Variants in TTC7B observed in about 807,000 individuals in gnomAD.
The protein encoded by TTC7B is tetratricopeptide repeat domain 7B.
TTC7B carries 28 observed loss-of-function variants against 106.8 expected under a neutral mutation model. That is an observed-to-expected ratio of 0.26 (90% CI 0.19 to 0.36). The LOEUF is 0.36. TTC7B is among the 10% of genes least tolerant of loss of function. TTC7B has a pLI of 1.00. For missense variants in TTC7B, 862 were observed against 1,076.4 expected (o/e 0.80, Z 2.79); for synonymous variants, 405 against 430.6 (o/e 0.94, Z 0.74).
chr14:90,657,302 G>A lies in TTC7B; in HGVS notation c.1237-24C>T, dbSNP rs367905179. 1.3e-5 allele frequency: 21 copies of A among 1,608,980 alleles called. No individual in the cohort carries two copies. In the African/African-American group the frequency reaches 1.6e-4, roughly 12 times the overall value. ...GACTTGGCAAGAGAAGATTATTTCCGTGAAACTCAAAGTGTTTGACAGAAC... is the reference window on the plus strand; with the variant it reads ...GACTTGGCAAGAGAAGATTATTTCCATGAAACTCAAAGTGTTTGACAGAAC... On this transcript the variant is annotated intron_variant, in intron 10 of 19. Coordinates refer to ENST00000328459, the MANE Select transcript of TTC7B (RefSeq NM_001010854.2). The surrounding 1 kb of genome is among the most constrained non-coding windows in gnomAD (Gnocchi z 4.2).
chr14:90,647,058 G>A, intron 13 of TTC7B, 35 bp from the exon 14 acceptor site: 1 of 1,593,872 alleles, frequency 6.3e-7, no homozygotes, highest in South Asian at 1.1e-5. Flanking sequence ...GTACATGGGA[G>A]AGGAGGCCAT....
At chr14:90,683,409 A>C (rs1887131348) in intron 7 of TTC7B, among the ~76,000 whole-genome samples, 1 of 152,230 alleles carries the variant, frequency 6.6e-6, no homozygotes, top group African/African-American at 2.4e-5. Flanking sequence ...GAATGGCTGA[A>C]GTCCCACCCC....
At chr14:90,762,424 T>C (rs1890530404) in intron 3 of TTC7B, among the ~76,000 whole-genome samples, 1 of 152,228 alleles carries the variant, frequency 6.6e-6, no homozygotes, top group Admixed American at 6.5e-5. Flanking sequence ...ACTAACCCCC[T>C]TAACCAGTCT....
At chr14:90,810,106 A>T (rs893438352) in intron 1 of TTC7B, among the ~76,000 whole-genome samples, 1 of 152,186 alleles carries the variant, frequency 6.6e-6, no homozygotes, top group Non-Finnish European at 1.5e-5. Flanking sequence ...CATTTATGGG[A>T]TGGCAGAAAC....
At chr14:90,708,160 A>AT (rs1234973797) in intron 5 of TTC7B, among the ~76,000 whole-genome samples, 63 of 151,684 alleles carry the variant, frequency 4.2e-4, no homozygotes, top group African/African-American at 1.5e-3. Flanking sequence ...AAAAAAAAAA[A>AT]AAAAAAAAAA....
chr14:90,676,198 G>A, intron 9 of TTC7B: 1 of 243,000 alleles, frequency 4.1e-6, no homozygotes, highest in East Asian at 9.3e-5. Context: ...CCTGTTCTAT[G>A]AGGAAATTAA....
At chr14:90,622,002 T>G (rs1349198916) in intron 15 of TTC7B, among the ~76,000 whole-genome samples, 1 of 152,106 alleles carries the variant, frequency 6.6e-6, no homozygotes, top group Non-Finnish European at 1.5e-5. Flanking sequence ...ATGGAAAAAC[T>G]TGGGAAAAGT....
At chr14:90,564,373 C>T (rs1368443426) in intron 19 of TTC7B, among the ~76,000 whole-genome samples, 1 of 152,164 alleles carries the variant, frequency 6.6e-6, no homozygotes, top group Non-Finnish European at 1.5e-5. Context: ...ATCATCCAGG[C>T]TTTCTTGTTC....
chr14:90,647,156 T>A, intron 13 of TTC7B, 133 bp from the exon 14 acceptor site: 1 of 724,202 alleles, frequency 1.4e-6, no homozygotes, highest in Non-Finnish European at 2.4e-6. Context: ...ATGCTTCATT[T>A]AAACTCTTCT....
chr14:90,654,191 C>T (rs1013782633), intron 12 of TTC7B, among the ~76,000 whole-genome samples: 1 of 152,134 alleles, frequency 6.6e-6, no homozygotes, highest in African/African-American at 2.4e-5. Context: ...GGGAGGGGCA[C>T]ACGGAGGGCT....
chr14:90,585,001 A>G (rs1232957313), intron 18 of TTC7B, among the ~76,000 whole-genome samples: 3 of 152,148 alleles, frequency 2.0e-5, no homozygotes, highest in African/African-American at 7.2e-5. Flanking sequence ...CACTGGACTT[A>G]GCCTTAATTC....
intron 19 of TTC7B, among the ~76,000 whole-genome samples, chr14:90,574,992 C>T (rs1005686995): frequency 2.9e-5 from 4 of 136,764 alleles, no homozygotes; most frequent in African/African-American, 9.9e-5. Context: ...CTGACCCTGG[C>T]CTCCCTGGCC....
In TTC7B at chr14:90,790,795, T is replaced by C. The variant is rs144602355; in HGVS notation, c.122-4467A>G. 7.2e-3 allele frequency among the ~76,000 whole-genome samples: 1,092 copies of C among 151,896 alleles called. 10 individuals are homozygous for C. Among genetic ancestry groups the C allele is most frequent in the Non-Finnish European group, 0.011 (733 of 67,950 alleles). Reference sequence around the variant, plus strand: ...TGGGCTAGAGCTACTGAGTTCTCAGTGGGAAAACTCTATGGCCCAGAGTGA... The same window carrying C: ...TGGGCTAGAGCTACTGAGTTCTCAGCGGGAAAACTCTATGGCCCAGAGTGA... On this transcript the variant is annotated intron_variant, in intron 1 of 19. Coordinates refer to ENST00000328459, the MANE Select transcript of TTC7B (RefSeq NM_001010854.2).
chr14:90,595,501 CA>C (rs1443716708), intron 17 of TTC7B, among the ~76,000 whole-genome samples: 2 of 152,232 alleles, frequency 1.3e-5, no homozygotes, highest in Admixed American at 1.3e-4. Flanking sequence ...AAACTGCTGT[CA>C]AAATTTCTTA....
chr14:90,678,280 A>G (rs1450674553), intron 8 of TTC7B, among the ~76,000 whole-genome samples: 1 of 152,178 alleles, frequency 6.6e-6, no homozygotes, highest in Non-Finnish European at 1.5e-5. Context: ...AGGGGAAACT[A>G]ATTTGATTTG....
At chr14:90,618,632 C>T (rs1340457603) in intron 15 of TTC7B, among the ~76,000 whole-genome samples, 1 of 152,202 alleles carries the variant, frequency 6.6e-6, no homozygotes, top group Admixed American at 6.5e-5. Flanking sequence ...TTTTTGTTAC[C>T]ATCAACTACT....
chr14:90,708,777 T>C (rs1243425823), intron 5 of TTC7B, among the ~76,000 whole-genome samples: 1 of 152,164 alleles, frequency 6.6e-6, no homozygotes, highest in African/African-American at 2.4e-5. Flanking sequence ...CTGATGGATC[T>C]GGGAAAAGCA....
At chr14:90,722,148 G>A (rs567143470) in intron 5 of TTC7B, among the ~76,000 whole-genome samples, 1 of 152,292 alleles carries the variant, frequency 6.6e-6, no homozygotes, top group South Asian at 2.1e-4. Context: ...GGCCTTAGCT[G>A]GCCAGGCTGC....
At chr14:90,653,719 C>T (rs1247241316) in intron 12 of TTC7B, among the ~76,000 whole-genome samples, 2 of 152,160 alleles carry the variant, frequency 1.3e-5, no homozygotes, top group Non-Finnish European at 2.9e-5. Flanking sequence ...GAAAGGCTGC[C>T]AGGGGGTCAA....
Sources: allele counts gnomAD v4.1 joint callset (sites outside exome capture counted in the v4.1 genomes callset), GRCh38; gene constraint gnomAD v4.1.1; non-coding constraint Gnocchi (gnomAD v3.1); transcripts MANE v1.5; gene names NCBI Gene and HGNC (gene_info 2026-07-23, HGNC 2026-07-21).